PLEKHG1: variants seen among roughly 807,000 people sequenced by gnomAD.
PLEKHG1 encodes the protein pleckstrin homology domain-containing family G member 1.
Under a neutral mutation model 100.8 loss-of-function variants are expected in PLEKHG1, and 44 were observed. The observed-to-expected ratio is 0.44, with a 90% CI of 0.34 to 0.56. The LOEUF (loss-of-function observed/expected upper bound fraction) is 0.56, where lower values mean the gene tolerates loss of function less well. Ranked by LOEUF, PLEKHG1 falls within the 20% of genes least tolerant of loss-of-function variation. PLEKHG1 has a pLI of 0.01. For missense variants in PLEKHG1, 1,545 were observed against 1,720.9 expected (o/e 0.90, Z 1.81); for synonymous variants, 640 against 662.5 (o/e 0.97, Z 0.52).
intron 6 of PLEKHG1, among the ~76,000 whole-genome samples, chr6:150,801,078 T>G (rs1786671831): frequency 6.6e-6 from 1 of 152,204 alleles, no homozygotes; most frequent in Non-Finnish European, 1.5e-5. Flanking sequence ...GAGAAGAGAT[T>G]AATCTTAGCT....
chr6:150,837,156 T>C (rs924565874), intron 15 of PLEKHG1, among the ~76,000 whole-genome samples: 1 of 152,162 alleles, frequency 6.6e-6, no homozygotes, highest in Non-Finnish European at 1.5e-5. Context: ...AGTGAGACTT[T>C]GTCTCAAAAA....
chr6:150,734,010 A>G, exon 2 of PLEKHG1: 4 of 1,614,222 alleles, frequency 2.5e-6, no homozygotes, highest in Non-Finnish European at 2.5e-6. Flanking sequence ...ACGAGCCCCA[A>G]GCTCCTCTAT....
At chr6:150,687,250 G>T (rs1395313933) in intron 3 of PLEKHG1, among the ~76,000 whole-genome samples, 1 of 151,904 alleles carries the variant, frequency 6.6e-6, no homozygotes, top group Non-Finnish European at 1.5e-5. Context: ...TTTTTCCAGA[G>T]CTTTTACTTT....
At chr6:150,663,087 C>A (rs1779259011) in intron 3 of PLEKHG1, 1 of 152,098 alleles carries the variant, frequency 6.6e-6, no homozygotes, top group Non-Finnish European at 1.5e-5. Flanking sequence ...ATTTTTCTTC[C>A]CCCATGGTCG....
chr6:150,789,919 G>A lies in PLEKHG1; in HGVS notation c.582+3460G>A, dbSNP rs376749422. ...GGCCCAGGTGGAGTCTATAGCAGTC[G>A]AGGTGTTTGCCTGGTCTCCTGGGGA... On this transcript the variant is annotated intron_variant, in intron 4 of 15. Transcript: ENST00000358517. 1.3e-3 allele frequency among the ~76,000 whole-genome samples: 205 copies of A among 152,326 alleles called. 2 individuals are homozygous for A. Among genetic ancestry groups the A allele is most frequent in the African/African-American group, 4.6e-3 (191 of 41,578 alleles).
chr6:150,829,078 A>C (rs1332095844), intron 14 of PLEKHG1, among the ~76,000 whole-genome samples: 1 of 152,200 alleles, frequency 6.6e-6, no homozygotes, highest in East Asian at 1.9e-4. Context: ...ATTAACATCT[A>C]TCCCATTTTC....
rs373835174 is a variant in PLEKHG1, at chr6:150,672,047, G to A, written c.-99+21261G>A. 2.1e-4 allele frequency among the ~76,000 whole-genome samples: 32 copies of A among 152,326 alleles called. No homozygotes were observed. In the South Asian group the frequency reaches 6.6e-3, roughly 32 times the overall value. ...GTGGTAAAGAGATGACAAGTCAGAA[G>A]CCTTGTGCTGCAGGCCAGTCAAGAG... On this transcript the variant is annotated intron_variant, in intron 3 of 3. Transcript: ENST00000367326.
intron 12 of PLEKHG1, among the ~76,000 whole-genome samples, chr6:150,820,148 G>A (rs1450261563): frequency 6.6e-6 from 1 of 151,932 alleles, no homozygotes; most frequent in Non-Finnish European, 1.5e-5. Flanking sequence ...GACGGAGGTT[G>A]CAGTGAGCCA....
Position 150,628,696 on chromosome 6 carries a change from C to G in PLEKHG1, c.-203-9384C>G, listed in dbSNP as rs950582847. Reference sequence around the variant, plus strand: ...AAATGGAGTTGGTTAATATTCTGCCCGTACTATTAATGATGTTATAATCTA... The same window carrying G: ...AAATGGAGTTGGTTAATATTCTGCCGGTACTATTAATGATGTTATAATCTA... On this transcript the variant is annotated intron_variant, in intron 1 of 3. Coordinates refer to the PLEKHG1 transcript ENST00000367326. 2.0e-5 allele frequency among the ~76,000 whole-genome samples: 3 copies of G among 152,122 alleles called. No individual in the cohort carries two copies. In the East Asian group the frequency reaches 5.8e-4, roughly 29 times the overall value.
intron 1 of PLEKHG1, among the ~76,000 whole-genome samples, chr6:150,601,473 C>T (rs1231463611): frequency 6.6e-6 from 1 of 152,184 alleles, no homozygotes; most frequent in East Asian, 1.9e-4. Context: ...CCCCTACCCC[C>T]TGTAATTTGG....
Position 150,631,465 on chromosome 6 carries a change from C to T in PLEKHG1, c.-203-6615C>T, listed in dbSNP as rs117426155. On this transcript the variant is annotated intron_variant, in intron 1 of 3. Coordinates refer to the PLEKHG1 transcript ENST00000367326. The stretch of plus-strand genomic sequence containing the variant: ...CAGGGAGTATTAGGACCTTGAAAGC[C>T]CAGCATGACAGCCACACCTTACACC... Among the ~76,000 whole-genome samples, 1,275 of 152,288 alleles carry T rather than the reference C, an allele frequency of 8.4e-3. 5 individuals carry two copies. Among genetic ancestry groups the T allele is most frequent in the Middle Eastern group, 0.031 (9 of 294 alleles).
intron 3 of PLEKHG1, among the ~76,000 whole-genome samples, chr6:150,706,389 G>A (rs2128601892): frequency 6.6e-6 from 1 of 151,988 alleles, no homozygotes; most frequent in African/African-American, 2.4e-5. Flanking sequence ...CAAGGTGGGA[G>A]GATCACTTGA....
At chr6:150,690,356 G>C (rs528391762) in intron 3 of PLEKHG1, among the ~76,000 whole-genome samples, 12 of 152,060 alleles carry the variant, frequency 7.9e-5, no homozygotes, top group African/African-American at 2.9e-4. Flanking sequence ...CACCAACATC[G>C]TTACTGTTTC....
At chr6:150,698,561 T>G (rs1780640919) in intron 3 of PLEKHG1, among the ~76,000 whole-genome samples, 1 of 115,198 alleles carries the variant, frequency 8.7e-6, no homozygotes. Context: ...TTTAACAAAT[T>G]GATTACACTA....
At chr6:150,742,759 C>T (rs1782947802) in intron 2 of PLEKHG1, among the ~76,000 whole-genome samples, 1 of 152,082 alleles carries the variant, frequency 6.6e-6, no homozygotes, top group Admixed American at 6.6e-5. Flanking sequence ...CAAACTATAT[C>T]AGTAACATAC....
In PLEKHG1 at chr6:150,750,720, G is replaced by GC. The variant is rs375351177; in HGVS notation, c.411+16629dup. On this transcript the variant is annotated intron_variant, in intron 2 of 15. Transcript: ENST00000358517. ...GGCGTGAACCCGGGAGGCGGAGCTT[G>GC]CAGTGAGCCGAGATCCCGCCACTGC... 4.1e-3 allele frequency among the ~76,000 whole-genome samples: 563 copies of GC among 136,048 alleles called. 6 individuals carry two copies. Among genetic ancestry groups the GC allele is most frequent in the African/African-American group, 0.016 (532 of 32,866 alleles). The allele number at this position is 136,048 out of a possible 152,430, so 89.3% of individuals were successfully genotyped here.
At chr6:150,809,828 C>T in intron 10 of PLEKHG1, 94 bp downstream of exon 11, 1 of 798,712 alleles carries the variant, frequency 1.3e-6, no homozygotes. Flanking sequence ...GAGATCACAT[C>T]ATTGAACTCC....
rs573356744 is a variant in PLEKHG1, at chr6:150,807,637, AGTGGGG to A, written c.913-1463_913-1458del. On this transcript the variant is annotated intron_variant, in intron 7 of 15. Transcript: ENST00000358517. ...AAGCACTAAAACGGGGAGTGGGGCAAGTGGGGGTGGTTAATGAATACAAAACTTTAC... is the reference window on the plus strand; with the variant it reads ...AAGCACTAAAACGGGGAGTGGGGCAAGTGGTTAATGAATACAAAACTTTAC... Among the ~76,000 whole-genome samples the A allele has an allele frequency of 1.8e-4, 28 of 152,280 alleles. 1 individual carries two copies. The South Asian group carries it at 5.2e-3, about 28-fold the overall frequency.
chr6:150,675,949 TTACTAA>T (rs1779738376), intron 3 of PLEKHG1, among the ~76,000 whole-genome samples: 1 of 152,172 alleles, frequency 6.6e-6, no homozygotes, highest in African/African-American at 2.4e-5. Context: ...GTAAAAATAG[TTACTAA>T]TACAAGATAT....
Sources: allele counts gnomAD v4.1 joint callset (sites outside exome capture counted in the v4.1 genomes callset), GRCh38; gene constraint gnomAD v4.1.1; transcripts MANE v1.5; gene names NCBI Gene and HGNC (gene_info 2026-07-23, HGNC 2026-07-21).